The following ST18 variants were observed in gnomAD, a reference collection of about 807,000 sequenced individuals.
ST18 encodes suppression of tumorigenicity 18 protein.
Under a neutral mutation model 110.0 loss-of-function variants are expected in ST18, and 50 were observed. That is an observed-to-expected ratio of 0.45 (90% CI 0.36 to 0.58). ST18 has a LOEUF of 0.58. Among genes scored for constraint, ST18 ranks in the 20% least tolerant of loss-of-function variants. The pLI, the probability that ST18 is intolerant of heterozygous loss-of-function variation, is 0.00. For synonymous variants in ST18, 461 were observed against 452.4 expected, an observed-to-expected ratio of 1.02 and a Z score of -0.24; for missense variants, 1,306 against 1,280.1, an observed-to-expected ratio of 1.02 and a Z score of -0.31.
chr8:52,214,063 C>T, intron 7 of ST18, 140 bp downstream of exon 7: 1 of 850,474 alleles, frequency 1.2e-6, no homozygotes, highest in South Asian at 1.9e-5. Flanking sequence ...TGCCAAGAGC[C>T]AGTGTCCTGG....
rs188660710 is a variant in ST18, at chr8:52,226,728, T to C, written c.-419+3304A>G. Among the ~76,000 whole-genome samples, 804 of 152,336 alleles carry C rather than the reference T, an allele frequency of 5.3e-3. 5 individuals carry two copies. The highest frequency in any genetic ancestry group is 0.016 in the South Asian group (77 of 4,832). ...AAATGTGCTATTTTCAGTAAATCTA[T>C]ACTAAACAACCTGATAATGTCAAAA... On this transcript the variant is annotated intron_variant, in intron 3 of 25. Coordinates refer to ENST00000689386, the MANE Select transcript of ST18 (RefSeq NM_001352837.2).
At chr8:52,249,188 A>T (rs1285929878) in intron 2 of ST18, among the ~76,000 whole-genome samples, 1 of 152,186 alleles carries the variant, frequency 6.6e-6, no homozygotes, top group African/African-American at 2.4e-5. Flanking sequence ...GCAAAACAAA[A>T]CAACAATAAC....
chr8:52,326,421 T>C (rs1302053701), intron 2 of ST18, among the ~76,000 whole-genome samples: 1 of 152,108 alleles, frequency 6.6e-6, no homozygotes, highest in Non-Finnish European at 1.5e-5. Flanking sequence ...GTTTAGTATG[T>C]GAAGGTTTAC....
At chr8:52,405,856 G>A (rs1364934925) in intron 2 of ST18, 1 of 152,264 alleles carries the variant, frequency 6.6e-6, no homozygotes. Context: ...GGAATGGTGA[G>A]GGGTGGGGGA....
chr8:52,195,288 CATTTATTACT>C (rs1300300905), intron 8 of ST18, among the ~76,000 whole-genome samples: 2 of 152,160 alleles, frequency 1.3e-5, no homozygotes, highest in Non-Finnish European at 2.9e-5. Flanking sequence ...CAGATACAGA[CATTTATTACT>C]ATTTTTGTTT....
chr8:52,402,123 C>A lies in ST18; in HGVS notation c.-465+7205G>T, dbSNP rs372835136. Among the ~76,000 whole-genome samples the A allele has an allele frequency of 5.9e-5, 9 of 152,212 alleles. No homozygotes were observed. The East Asian group carries it at 1.4e-3, about 23-fold the overall frequency. ...TAGGAGTTTGTGGCAGTGGTGGTGG[C>A]ATGGTAGTTTGTTAGGGTTCTTGGC... On this transcript the variant is annotated intron_variant, in intron 2 of 25. Coordinates refer to ENST00000689386, the MANE Select transcript of ST18 (RefSeq NM_001352837.2).
intron 2 of ST18, among the ~76,000 whole-genome samples, chr8:52,294,721 T>C (rs919933821): frequency 6.6e-6 from 1 of 152,240 alleles, no homozygotes; most frequent in Admixed American, 6.5e-5. Flanking sequence ...ATTCCTGCAG[T>C]CTCAGGTCTT....
intron 2 of ST18, among the ~76,000 whole-genome samples, chr8:52,279,205 AAACT>A (rs2095329730): frequency 1.3e-5 from 2 of 152,166 alleles, no homozygotes; most frequent in Admixed American, 1.3e-4. Flanking sequence ...ATTGAAGAGG[AAACT>A]GTTAAAAGTG....
At chr8:52,360,438 A>T (rs183082820) in intron 2 of ST18, among the ~76,000 whole-genome samples, 9 of 152,268 alleles carry the variant, frequency 5.9e-5, no homozygotes, top group Admixed American at 2.0e-4. Context: ...ATTATGGTAC[A>T]TCTTTTCACA....
chr8:52,136,602 G>A lies in ST18; in HGVS notation c.2288C>T (p.Ser763Phe), dbSNP rs369779894. 6 of 1,611,306 alleles carry A rather than the reference G, an allele frequency of 3.7e-6. No homozygotes were observed. Among genetic ancestry groups the A allele is most frequent in the Non-Finnish European group, 5.1e-6 (6 of 1,179,028 alleles). The change falls in exon 19 of 26, where the codon TCT becomes TTT. Residue 763 changes from serine to phenylalanine, a missense_variant. Physicochemically the swap from Ser to Phe is radical, Grantham distance 155. Coordinates refer to ENST00000689386, the MANE Select transcript of ST18 (RefSeq NM_001352837.2). ...KTLKSLMAAN[S>F]QELKCPTPGC... ...TTCCCGCACTTACTTAAGCTCCTGA[G>A]AGTTGGCAGCCATGAGGGATTTTAG...
chr8:52,129,547 T>A (rs1463418935), intron 22 of ST18, among the ~76,000 whole-genome samples: 1 of 152,036 alleles, frequency 6.6e-6, no homozygotes, highest in Non-Finnish European at 1.5e-5. Context: ...CTACAGTCTC[T>A]TAAGTATTTG....
At chr8:52,153,224 T>C (rs1221911690) in intron 15 of ST18, among the ~76,000 whole-genome samples, 3 of 152,232 alleles carry the variant, frequency 2.0e-5, no homozygotes, top group Non-Finnish European at 4.4e-5. Flanking sequence ...TTTCCAAACA[T>C]TGATAAAACA....
At chr8:52,208,687 G>A (rs943835669) in intron 8 of ST18, among the ~76,000 whole-genome samples, 12 of 152,178 alleles carry the variant, frequency 7.9e-5, no homozygotes, top group South Asian at 6.2e-4. Context: ...TTAGCCGGGC[G>A]TGGTGGTGCA....
At position 52,214,237 on chromosome 8, in the gene ST18, A is replaced by G. The variant is rs1388701709; in HGVS notation, c.21T>C (p.Asp7=). ...CTTTAGAGCGAGTACGCAGCGTTTT[A>G]TCTTCAGCCTCTGCATCCATCTATA... MDAEAE[D]KTLRTRSKGT... Residue 7 remains aspartate (D), a synonymous_variant, in exon 7 of 26, where the codon GAT becomes GAC. Coordinates refer to ENST00000689386, the MANE Select transcript of ST18 (RefSeq NM_001352837.2). 3.1e-6 allele frequency: 5 copies of G among 1,614,120 alleles called. No homozygotes were observed. The highest frequency in any genetic ancestry group is 8.5e-7 in the Non-Finnish European group (1 of 1,179,996).
At chr8:52,226,296 C>A (rs754638271) in intron 3 of ST18, among the ~76,000 whole-genome samples, 1 of 152,136 alleles carries the variant, frequency 6.6e-6, no homozygotes, top group Admixed American at 6.6e-5. Context: ...GCATTGCTGT[C>A]TTTGGGGTGG....
intron 17 of ST18, among the ~76,000 whole-genome samples, chr8:52,142,287 GT>G (rs912372853): frequency 7.9e-5 from 12 of 151,470 alleles, no homozygotes; most frequent in African/African-American, 1.7e-4. Context: ...GGTTTTTACA[GT>G]TTTTTTTTGG....
chr8:52,288,123 G>A (rs1347187575), intron 2 of ST18, among the ~76,000 whole-genome samples: 2 of 152,266 alleles, frequency 1.3e-5, no homozygotes, highest in Middle Eastern at 3.4e-3. Context: ...CCAGCCCTAC[G>A]CCTGATTCAG....
chr8:52,226,053 CT>C (rs2089265734), intron 3 of ST18, among the ~76,000 whole-genome samples: 1 of 152,176 alleles, frequency 6.6e-6, no homozygotes, highest in African/African-American at 2.4e-5. Flanking sequence ...CAACAGTCAA[CT>C]GTGAAGAACT....
intron 2 of ST18, among the ~76,000 whole-genome samples, chr8:52,357,682 T>TAA (rs1405852114): frequency 4.4e-5 from 1 of 22,898 alleles, no homozygotes; most frequent in African/African-American, 2.7e-4. Flanking sequence ...TATAAATATA[T>TAA]ATATATATAT....
Sources: allele counts gnomAD v4.1 joint callset (sites outside exome capture counted in the v4.1 genomes callset), GRCh38; gene constraint gnomAD v4.1.1; transcripts MANE v1.5; gene names NCBI Gene and HGNC (gene_info 2026-07-23, HGNC 2026-07-21).